The following STK32C variants were observed in gnomAD, a reference collection of about 807,000 sequenced individuals.
The protein encoded by STK32C is serine/threonine-protein kinase 32C.
A neutral mutation model predicts 56.5 loss-of-function variants in STK32C; 31 were observed. The ratio of observed to expected loss-of-function variants is 0.55; its 90% CI spans 0.41 to 0.74. The LOEUF is 0.74. Among genes scored for constraint, STK32C ranks in the 30% least tolerant of loss-of-function variants. STK32C has a pLI of 0.00. For missense variants in STK32C, 544 were observed against 676.9 expected (o/e 0.80, Z 2.18); for synonymous variants, 309 against 289.4 (o/e 1.07, Z -0.69).
chr10:132,209,173 G>C, intron 10 of STK32C, 72 bp from the exon 11 acceptor site: 1 of 1,414,490 alleles, frequency 7.1e-7, no homozygotes. Context: ...TCAAGTGAGT[G>C]TCTGGGCATC....
chr10:132,320,498 T>C (rs2066385737), downstream of STK32C, among the ~76,000 whole-genome samples: 1 of 152,004 alleles, frequency 6.6e-6, no homozygotes. Flanking sequence ...AATAGGTTTG[T>C]TGGCCACGGT....
At chr10:132,220,148 A>G (rs975279130) in intron 10 of STK32C, among the ~76,000 whole-genome samples, 17 of 152,222 alleles carry the variant, frequency 1.1e-4, no homozygotes, top group African/African-American at 4.1e-4. Flanking sequence ...TCAAGATAAG[A>G]TGGGGCCATA....
In STK32C at chr10:132,250,724, G is replaced by A. The variant is rs144167282; in HGVS notation, c.263-4769C>T. ...ACAGGTCATTGCAGAGAGGAGACCCGGGCAAGTGTTCCTGAACCTTCCACG... is the reference window on the plus strand; with the variant it reads ...ACAGGTCATTGCAGAGAGGAGACCCAGGCAAGTGTTCCTGAACCTTCCACG... On this transcript the variant is annotated intron_variant, in intron 1 of 11. Coordinates refer to ENST00000298630, the MANE Select transcript of STK32C (RefSeq NM_173575.4). Among the ~76,000 whole-genome samples the A allele has an allele frequency of 2.6e-3, 394 of 152,322 alleles. 1 individual carries two copies. The highest frequency in any genetic ancestry group is 8.7e-3 in the African/African-American group (361 of 41,564).
intron 2 of STK32C, among the ~76,000 whole-genome samples, chr10:132,232,790 G>A (rs1295142287): frequency 1.3e-5 from 2 of 151,848 alleles, no homozygotes; most frequent in Non-Finnish European, 2.9e-5. Context: ...AGGCCACAGC[G>A]CCACCCGGAG....
chr10:132,269,792 C>T (rs904921841), intron 1 of STK32C, among the ~76,000 whole-genome samples: 2 of 152,224 alleles, frequency 1.3e-5, no homozygotes, highest in Non-Finnish European at 2.9e-5. Flanking sequence ...CTGACTCCAG[C>T]GGCACAGTGG....
chr10:132,315,328 G>A (rs2066292206), intron 1 of STK32C, among the ~76,000 whole-genome samples: 1 of 152,000 alleles, frequency 6.6e-6, no homozygotes, highest in African/African-American at 2.4e-5. Flanking sequence ...GGGTTTGGGG[G>A]CAAGGGGAGG....
rs1350814554 is a variant in STK32C at position 132,259,117 on chromosome 10, G to A, written c.263-13162C>T. On this transcript the variant is annotated intron_variant, in intron 1 of 11. Transcript: ENST00000298630. The stretch of plus-strand genomic sequence containing the variant: ...CTGCACCGGGTACTGGGGCACAGCT[G>A]GGGGCATGAACAGGGCCATAGCCAA... Among the ~76,000 whole-genome samples the A allele has an allele frequency of 2.0e-5, 3 of 152,006 alleles. No homozygotes were observed. The East Asian group carries it at 5.8e-4, about 29-fold the overall frequency.
At chr10:132,224,607 T>G (rs2062811789) in intron 7 of STK32C, 84 bp from the exon 8 acceptor site, 2 of 1,007,068 alleles carry the variant, frequency 2.0e-6, no homozygotes, top group Admixed American at 4.0e-5. Context: ...GCCATCGCCC[T>G]GAGAGGACCC....
At chr10:132,265,465 G>A (rs747539259) in intron 1 of STK32C, among the ~76,000 whole-genome samples, 18 of 152,264 alleles carry the variant, frequency 1.2e-4, no homozygotes, top group Non-Finnish European at 2.6e-4. Context: ...ACAGCCTGGA[G>A]GAGCCTGTGG....
chr10:132,265,206 G>A (rs1462961323), intron 1 of STK32C, among the ~76,000 whole-genome samples: 1 of 142,250 alleles, frequency 7.0e-6, no homozygotes, highest in African/African-American at 3.0e-5. Flanking sequence ...GCAGTGAGGT[G>A]GGCTCTGGGG....
chr10:132,213,637 A>G (rs920842516), intron 10 of STK32C, among the ~76,000 whole-genome samples: 30 of 152,216 alleles, frequency 2.0e-4, no homozygotes, highest in Non-Finnish European at 4.1e-4. Context: ...GGTCTTAAGG[A>G]AAAAAATAGA....
intron 1 of STK32C, among the ~76,000 whole-genome samples, chr10:132,248,190 C>T (rs2063757481): frequency 1.3e-5 from 2 of 152,266 alleles, no homozygotes; most frequent in Admixed American, 1.3e-4. Context: ...CGCCATGTGG[C>T]GTCACCCAAC....
At chr10:132,301,225 G>A (rs566936161) in intron 1 of STK32C, among the ~76,000 whole-genome samples, 8 of 150,654 alleles carry the variant, frequency 5.3e-5, no homozygotes, top group South Asian at 2.1e-4. Flanking sequence ...CCCCACTAAC[G>A]TGAACCCAGA....
intron 1 of STK32C, among the ~76,000 whole-genome samples, chr10:132,267,007 T>C (rs1055198949): frequency 5.9e-5 from 9 of 152,018 alleles, no homozygotes; most frequent in Non-Finnish European, 1.2e-4. Context: ...AGCTCGGCCG[T>C]CACTGAGCGG....
At position 132,306,718 on chromosome 10, in the gene STK32C, A is replaced by C. The variant is rs1411075342; in HGVS notation, c.262+854T>G. ...CAAGTATTTTAAGAAAATGTCAAAAAACATGAAATGTGTCATCAATGTACG... is the reference window on the plus strand; with the variant it reads ...CAAGTATTTTAAGAAAATGTCAAAACACATGAAATGTGTCATCAATGTACG... On this transcript the variant is annotated intron_variant, in intron 1 of 11. Coordinates refer to ENST00000298630, the MANE Select transcript of STK32C (RefSeq NM_173575.4). 2.6e-5 allele frequency among the ~76,000 whole-genome samples: 4 copies of C among 152,390 alleles called. No individual in the cohort carries two copies. In the East Asian group the frequency reaches 7.7e-4, roughly 29 times the overall value.
intron 1 of STK32C, among the ~76,000 whole-genome samples, chr10:132,263,420 T>C (rs1342508176): frequency 6.6e-6 from 1 of 151,794 alleles, no homozygotes; most frequent in Non-Finnish European, 1.5e-5. Flanking sequence ...ACAGGAACAA[T>C]GGACACCGGG....
At chr10:132,254,264 G>A (rs2064023780) in intron 1 of STK32C, among the ~76,000 whole-genome samples, 1 of 152,008 alleles carries the variant, frequency 6.6e-6, no homozygotes, top group Non-Finnish European at 1.5e-5. Flanking sequence ...AGCCAAGATC[G>A]CGCCTCTGCA....
In STK32C at chr10:132,307,490, C is replaced by A; in HGVS notation, c.262+82G>T. 5.6e-6 allele frequency: 8 copies of A among 1,430,420 alleles called. No homozygotes were observed. The highest frequency in any genetic ancestry group is 3.0e-5 in the East Asian group (1 of 33,360). The allele number at this position is 1,430,420 out of a possible 1,614,324, so 88.6% of individuals were successfully genotyped here. A position where few individuals can be genotyped will look rare whatever the true frequency, so the allele number is the denominator to read the frequency against. ...GAAGCCGTCCCGGACACCGGGGGAA[C>A]CCCTGCGGGAAAAAGCCGCCCAGCC... On this transcript the variant is annotated intron_variant, in intron 1 of 11. Coordinates refer to ENST00000298630, the MANE Select transcript of STK32C (RefSeq NM_173575.4). The surrounding 1 kb of genome is among the most constrained non-coding windows in gnomAD (Gnocchi z 4.4).
rs570378871 is a variant in STK32C at position 132,307,483 on chromosome 10, G to C, written c.262+89C>G. ...GCCCCGGGAAGCCGTCCCGGACACC[G>C]GGGGAACCCCTGCGGGAAAAAGCCG... is the stretch of plus-strand genomic sequence containing the variant. On this transcript the variant is annotated intron_variant, in intron 1 of 11. Coordinates refer to ENST00000298630, the MANE Select transcript of STK32C (RefSeq NM_173575.4). The surrounding 1 kb of genome is among the most constrained non-coding windows in gnomAD (Gnocchi z 4.4). 1.2e-3 allele frequency: 1,673 copies of C among 1,373,268 alleles called. 9 individuals carry two copies. In the African/African-American group the frequency reaches 0.019, roughly 15 times the overall value. The allele number at this position is 1,373,268 out of a possible 1,614,324, so 85.1% of individuals were successfully genotyped here.
Sources: gnomAD v4.1 joint callset for allele counts (sites outside exome capture counted in the v4.1 genomes callset) on GRCh38, gnomAD v4.1.1 for gene constraint, Gnocchi (gnomAD v3.1) non-coding constraint, MANE v1.5 for transcripts, NCBI Gene and HGNC (gene_info 2026-07-23, HGNC 2026-07-21) for gene names.